Variants in VAV3 observed in about 807,000 individuals in gnomAD.
VAV3 encodes the protein vav guanine nucleotide exchange factor 3.
In VAV3, 94 loss-of-function variants were observed where a neutral mutation model predicts 131.2. The observed-to-expected ratio is 0.72, with a 90% confidence interval of 0.61 to 0.85. The LOEUF is 0.85. Among genes scored for constraint, VAV3 ranks in the 40% least tolerant of loss-of-function variants. The probability of loss-of-function intolerance (pLI) is 0.00; values close to 1 mark genes in which losing one functional copy is unlikely to be tolerated. For synonymous variants in VAV3, 349 were observed against 342.0 expected (o/e 1.02, Z -0.22); for missense variants, 939 against 1,002.7 (o/e 0.94, Z 0.86).
At chr1:107,812,292 C>T (rs934513227) in intron 2 of VAV3, among the ~76,000 whole-genome samples, 1 of 151,836 alleles carries the variant, frequency 6.6e-6, no homozygotes, top group Non-Finnish European at 1.5e-5. Context: ...TGGAGAGATG[C>T]CACAGAAATA....
intron 5 of VAV3, among the ~76,000 whole-genome samples, chr1:107,771,468 T>A (rs531743274): frequency 6.6e-6 from 1 of 152,184 alleles, no homozygotes; most frequent in Non-Finnish European, 1.5e-5. Flanking sequence ...TTAGCCAGGA[T>A]GGTCTTGATC....
At chr1:107,849,858 T>G (rs1298154667) in intron 2 of VAV3, among the ~76,000 whole-genome samples, 1 of 151,908 alleles carries the variant, frequency 6.6e-6, no homozygotes, top group East Asian at 1.9e-4. Context: ...ACAAGGAACT[T>G]AAACACATTT....
At chr1:107,866,807 A>C (rs1466921759) in intron 2 of VAV3, among the ~76,000 whole-genome samples, 1 of 126,342 alleles carries the variant, frequency 7.9e-6, no homozygotes, top group Non-Finnish European at 1.6e-5. Context: ...TGGGCAAAAG[A>C]GCGAGACTCC....
intron 15 of VAV3, among the ~76,000 whole-genome samples, chr1:107,721,673 T>A (rs1557792447): frequency 6.6e-6 from 1 of 152,026 alleles, no homozygotes; most frequent in Non-Finnish European, 1.5e-5. Flanking sequence ...AACATCTAGG[T>A]ATCAAGGCTA....
chr1:107,854,507 CTAATA>C (rs1222447756), intron 2 of VAV3, among the ~76,000 whole-genome samples: 6 of 152,158 alleles, frequency 3.9e-5, no homozygotes, highest in South Asian at 2.1e-4. Context: ...TTGATGGAAT[CTAATA>C]TATTAGATAA....
intron 25 of VAV3, among the ~76,000 whole-genome samples, chr1:107,586,383 G>A (rs1424531908): frequency 6.6e-6 from 1 of 152,170 alleles, no homozygotes; most frequent in East Asian, 1.9e-4. Context: ...GAACTATGGA[G>A]GAGGTTAATG....
chr1:107,883,706 G>A (rs1200776537), intron 1 of VAV3, among the ~76,000 whole-genome samples: 2 of 152,122 alleles, frequency 1.3e-5, no homozygotes, highest in Non-Finnish European at 2.9e-5. Flanking sequence ...TCAATGGGAA[G>A]CTGCCAACTG....
chr1:107,720,755 C>T (rs1017736906), intron 15 of VAV3, among the ~76,000 whole-genome samples: 9 of 152,164 alleles, frequency 5.9e-5, no homozygotes, highest in African/African-American at 1.4e-4. Flanking sequence ...GTATCCTCTA[C>T]GAGCCTGCCA....
chr1:107,722,686 A>C (rs1197801438), intron 15 of VAV3, among the ~76,000 whole-genome samples: 1 of 152,110 alleles, frequency 6.6e-6, no homozygotes, highest in African/African-American at 2.4e-5. Flanking sequence ...GAGCTTTCCA[A>C]GCCATGGCAT....
At position 107,757,305 on chromosome 1, in the gene VAV3, G is replaced by T. The variant is rs748006794; in HGVS notation, c.1042C>A (p.Pro348Thr). Residue 348 changes from proline to threonine, a missense_variant, in exon 11 of 27, where the codon CCG becomes ACG. Transcript: ENST00000370056. The part of the protein sequence containing the change: ...LQELVKHTTD[P>T]TEKANLKLAL... ...AGTTTCAGATTTGCCTTCTCAGTCGGATCAGTGGTATGTTTGACCAGTTCC... is the reference window on the plus strand; with the variant it reads ...AGTTTCAGATTTGCCTTCTCAGTCGTATCAGTGGTATGTTTGACCAGTTCC... 1 of 1,613,262 alleles carries T rather than the reference G, an allele frequency of 6.2e-7. No individual in the cohort carries two copies. The highest frequency in any genetic ancestry group is 8.5e-7 in the Non-Finnish European group (1 of 1,179,718).
chr1:107,639,686 G>A (rs1224412808), intron 20 of VAV3, among the ~76,000 whole-genome samples: 1 of 152,142 alleles, frequency 6.6e-6, no homozygotes, highest in Non-Finnish European at 1.5e-5. Flanking sequence ...GCTCATGCTT[G>A]TAATCCTAGC....
At chr1:107,602,678 T>C (rs951775331) in intron 23 of VAV3, among the ~76,000 whole-genome samples, 194 bp from the exon 24 acceptor site, 2 of 152,154 alleles carry the variant, frequency 1.3e-5, no homozygotes, top group Admixed American at 1.3e-4. Flanking sequence ...AACCAATATT[T>C]GAAGTGAGAA....
At chr1:107,770,222 C>T (rs747708289) in intron 6 of VAV3, among the ~76,000 whole-genome samples, 50 of 152,106 alleles carry the variant, frequency 3.3e-4, no homozygotes, top group Non-Finnish European at 5.9e-4. Context: ...CACTTAGCTG[C>T]CCACTTAATC....
At chr1:107,783,416 T>C (rs1041534812) in intron 2 of VAV3, among the ~76,000 whole-genome samples, 1 of 151,988 alleles carries the variant, frequency 6.6e-6, no homozygotes, top group African/African-American at 2.4e-5. Context: ...GTAGTGGAAA[T>C]GGGAGGAGTG....
chr1:107,722,418 C>T (rs965878581), intron 15 of VAV3, among the ~76,000 whole-genome samples: 2 of 152,146 alleles, frequency 1.3e-5, no homozygotes, highest in South Asian at 2.1e-4. Context: ...AAAAAGCATA[C>T]AGAAAGTAAA....
At chr1:107,949,005 C>G (rs1023106476) in intron 1 of VAV3, among the ~76,000 whole-genome samples, 1 of 152,162 alleles carries the variant, frequency 6.6e-6, no homozygotes, top group African/African-American at 2.4e-5. Flanking sequence ...TGCTTCATTC[C>G]CATTTTAACT....
intron 17 of VAV3, among the ~76,000 whole-genome samples, chr1:107,689,534 T>C (rs1334868870): frequency 2.6e-5 from 4 of 152,070 alleles, no homozygotes; most frequent in African/African-American, 7.2e-5. Flanking sequence ...TTTTTTCTTT[T>C]TTTAACGAAT....
At chr1:107,585,291 A>G (rs1348565743) in intron 25 of VAV3, among the ~76,000 whole-genome samples, 19 of 152,242 alleles carry the variant, frequency 1.2e-4, no homozygotes, top group Non-Finnish European at 1.5e-5. Flanking sequence ...GGCCACTATC[A>G]TCTCTTACCT....
chr1:107,698,895 C>A (rs1206397805), intron 17 of VAV3, among the ~76,000 whole-genome samples: 11 of 152,128 alleles, frequency 7.2e-5, no homozygotes, highest in Non-Finnish European at 2.9e-5. Context: ...AACTTATTCA[C>A]TATCATGAGA....
Sources: gnomAD v4.1 joint callset for allele counts (sites outside exome capture counted in the v4.1 genomes callset) on GRCh38, gnomAD v4.1.1 for gene constraint, MANE v1.5 for transcripts, NCBI Gene and HGNC (gene_info 2026-07-23, HGNC 2026-07-21) for gene names.